Variants in MRPL30 observed in about 807,000 individuals in gnomAD.
MRPL30 encodes mitochondrial ribosomal protein L30, also known as large ribosomal subunit protein uL30m.
A neutral mutation model predicts 17.2 loss-of-function variants in MRPL30; 10 were observed. The ratio of observed to expected loss-of-function variants is 0.58; its 90% CI spans 0.36 to 0.99. MRPL30 has a LOEUF of 0.99. MRPL30 is among the 50% of genes least tolerant of loss of function. The pLI is 0.01. For missense variants in MRPL30, 170 were observed against 189.8 expected, an observed-to-expected ratio of 0.90 and a Z score of 0.61; for synonymous variants, 61 against 62.1, an observed-to-expected ratio of 0.98 and a Z score of 0.08.
intron 3 of MRPL30, among the ~76,000 whole-genome samples, chr2:99,193,094 T>TA (rs1446484356): frequency 6.6e-6 from 1 of 152,112 alleles, no homozygotes; most frequent in East Asian, 1.9e-4. Context: ...AAAGGTCTAA[T>TA]ATCCAGAATC....
chr2:99,190,687 G>A (rs922208947), intron 3 of MRPL30, among the ~76,000 whole-genome samples: 10 of 152,134 alleles, frequency 6.6e-5, no homozygotes, highest in African/African-American at 2.2e-4. Flanking sequence ...AGATACAAAT[G>A]TTGGCATTCA....
intron 2 of MRPL30, among the ~76,000 whole-genome samples, chr2:99,186,469 AC>A (rs1227459352): frequency 1.3e-5 from 2 of 152,104 alleles, no homozygotes; most frequent in African/African-American, 4.8e-5. Flanking sequence ...AGTAGCTGGG[AC>A]TACAGGTGTC....
rs1444978129 is a variant in MRPL30, at chr2:99,197,473, T to C, written c.*1768T>C. ...TTCCATAGTTATTGAATATCCAGTGTGTGTAAGGCCTGGAGGGGAGCCAAA... is the reference window on the plus strand; with the variant it reads ...TTCCATAGTTATTGAATATCCAGTGCGTGTAAGGCCTGGAGGGGAGCCAAA... On this transcript the variant is annotated 3_prime_UTR_variant, in exon 6 of 6. Coordinates refer to ENST00000338148, the MANE Select transcript of MRPL30 (RefSeq NM_145212.4). 1 of 152,184 alleles carries C rather than the reference T, an allele frequency of 6.6e-6. No individual in the cohort carries two copies. Among genetic ancestry groups the C allele is most frequent in the African/African-American group, 2.4e-5 (1 of 41,454 alleles). 9.4% of individuals were successfully genotyped at this position (152,184 alleles called of 1,614,324 possible). A position where few individuals can be genotyped will look rare whatever the true frequency, so the allele number is the denominator to read the frequency against.
At chr2:99,194,386 T>C (rs971077936) in intron 3 of MRPL30, among the ~76,000 whole-genome samples, 9 of 152,342 alleles carry the variant, frequency 5.9e-5, no homozygotes, top group East Asian at 3.9e-4. Flanking sequence ...ATAATACTTA[T>C]GTTTTATTTT....
chr2:99,193,124 C>T (rs2093949670), intron 3 of MRPL30, among the ~76,000 whole-genome samples: 1 of 151,904 alleles, frequency 6.6e-6, no homozygotes, highest in African/African-American at 2.4e-5. Flanking sequence ...CTTAAATTTA[C>T]AAGAAAAAAA....
intron 3 of MRPL30, among the ~76,000 whole-genome samples, chr2:99,192,703 C>A (rs1032597321): frequency 5.9e-5 from 9 of 152,192 alleles, no homozygotes; most frequent in African/African-American, 2.2e-4. Context: ...CATACATGTG[C>A]ATGTGTCTTT....
chr2:99,194,981 T>C, intron 4 of MRPL30, 84 bp downstream of exon 4: 1 of 1,379,734 alleles, frequency 7.2e-7, no homozygotes, highest in Non-Finnish European at 9.8e-7. Flanking sequence ...ATACATTTAT[T>C]ATTTATTTTG....
At chr2:99,188,911 G>C (rs1413327771) in intron 3 of MRPL30, among the ~76,000 whole-genome samples, 2 of 152,300 alleles carry the variant, frequency 1.3e-5, no homozygotes, top group East Asian at 1.9e-4. Flanking sequence ...ATGTTGCCCA[G>C]GCTGGTCTTG....
chr2:99,197,231 A>G lies in MRPL30; in HGVS notation c.*1526A>G, dbSNP rs1264808677. 7 of 152,216 alleles carry G rather than the reference A, an allele frequency of 4.6e-5. No homozygotes were observed. Among genetic ancestry groups the G allele is most frequent in the Admixed American group, 3.3e-4 (5 of 15,278 alleles). 9.4% of individuals were successfully genotyped at this position (152,216 alleles called of 1,614,324 possible). On this transcript the variant is annotated 3_prime_UTR_variant, in exon 6 of 6. Coordinates refer to ENST00000338148, the MANE Select transcript of MRPL30 (RefSeq NM_145212.4). Reference sequence around the variant, plus strand: ...GGAATTCTGTGACAGCTGATTGAAGATGATGATGAAGAACCTCTGCATTCT... The same window carrying G: ...GGAATTCTGTGACAGCTGATTGAAGGTGATGATGAAGAACCTCTGCATTCT...
intron 3 of MRPL30, among the ~76,000 whole-genome samples, chr2:99,189,295 T>C (rs1037706482): frequency 1.3e-5 from 2 of 152,230 alleles, no homozygotes; most frequent in African/African-American, 4.8e-5. Flanking sequence ...GGTTCACCTA[T>C]TTATCCTTCC....
At position 99,197,551 on chromosome 2, in the gene MRPL30, A is replaced by G. The variant is rs1313531930; in HGVS notation, c.*1846A>G. On this transcript the variant is annotated 3_prime_UTR_variant, in exon 6 of 6. Transcript: ENST00000338148. ...AGTTGGAGAGAAACCTGTGTGCCAC[A>G]ACATACAGTGTCCTTGCTTATGTGG... 6.6e-6 allele frequency: 1 copy of G among 152,242 alleles called. No homozygotes were observed. Among genetic ancestry groups the G allele is most frequent in the Non-Finnish European group, 1.5e-5 (1 of 68,054 alleles). The allele number at this position is 152,242 out of a possible 1,614,324, so 9.4% of individuals were successfully genotyped here.
chr2:99,190,286 A>G (rs2093942558), intron 3 of MRPL30, among the ~76,000 whole-genome samples: 2 of 152,308 alleles, frequency 1.3e-5, no homozygotes, highest in Middle Eastern at 3.4e-3. Flanking sequence ...TCATCCAGGT[A>G]CAATGGTTCA....
chr2:99,194,924 GTGT>G (rs776228016), intron 4 of MRPL30, 27 bp downstream of exon 4: 1 of 1,533,676 alleles, frequency 6.5e-7, no homozygotes, highest in Admixed American at 2.3e-5. Flanking sequence ...ATCATCTTTA[GTGT>G]TGTTTACATT....
rs2093958503 is a variant in MRPL30, at chr2:99,198,413, C to G, written c.*2708C>G. 6.6e-6 allele frequency among the ~76,000 whole-genome samples: 1 copy of G among 152,200 alleles called. No individual in the cohort carries two copies. Among genetic ancestry groups the G allele is most frequent in the African/African-American group, 2.4e-5 (1 of 41,456 alleles). ...CTGTAGGATTCATGGCAAGTTGCTT[C>G]TTCCAAAACCAGCATTGGAGACAGA... On this transcript the variant is annotated 3_prime_UTR_variant, in exon 6 of 6. Coordinates refer to ENST00000338148, the MANE Select transcript of MRPL30 (RefSeq NM_145212.4).
intron 1 of MRPL30, among the ~76,000 whole-genome samples, chr2:99,184,605 T>C (rs1559188338): frequency 6.6e-6 from 1 of 152,170 alleles, no homozygotes; most frequent in African/African-American, 2.4e-5. Flanking sequence ...ATTGCTGATA[T>C]ACAAAAAAGA....
intron 1 of MRPL30, among the ~76,000 whole-genome samples, chr2:99,184,677 C>A (rs2093931103): frequency 6.6e-6 from 1 of 152,136 alleles, no homozygotes; most frequent in Admixed American, 6.5e-5. Context: ...TCTAAGTGAT[C>A]AGAAAGATTT....
intron 3 of MRPL30, 141 bp downstream of exon 3, chr2:99,188,398 G>T: frequency 3.1e-6 from 2 of 646,702 alleles, no homozygotes; most frequent in South Asian, 2.1e-5. Flanking sequence ...AAGCATAGTG[G>T]GATTTATGTG....
At chr2:99,186,134 C>T (rs2093933536) in intron 1 of MRPL30, 43 bp from the exon 2 acceptor site, 1 of 1,388,888 alleles carries the variant, frequency 7.2e-7, no homozygotes, top group Non-Finnish European at 1.0e-6. Flanking sequence ...TGTTCATTTC[C>T]AAGACATAGT....
At chr2:99,191,226 T>C (rs764713799) in intron 3 of MRPL30, among the ~76,000 whole-genome samples, 1 of 152,054 alleles carries the variant, frequency 6.6e-6, no homozygotes. Context: ...AGGATGGTCT[T>C]GATCTCCTGA....
Sources: allele counts gnomAD v4.1 joint callset (sites outside exome capture counted in the v4.1 genomes callset), GRCh38; gene constraint gnomAD v4.1.1; transcripts MANE v1.5; gene names NCBI Gene and HGNC (gene_info 2026-07-23, HGNC 2026-07-21).